The following CEP350 variants were observed in gnomAD, a reference collection of about 807,000 sequenced individuals.
CEP350 encodes centrosomal protein 350, also known as centrosome-associated protein 350.
Under a neutral mutation model 331.8 loss-of-function variants are expected in CEP350, and 126 were observed. The ratio of observed to expected loss-of-function variants is 0.38; its 90% confidence interval spans 0.33 to 0.44. The LOEUF (loss-of-function observed/expected upper bound fraction) is 0.44. Among genes scored for constraint, CEP350 ranks in the 20% least tolerant of loss-of-function variants. CEP350 has a pLI of 1.00. For missense variants in CEP350, 3,406 were observed against 3,634.6 expected (o/e 0.94, Z 1.62); for synonymous variants, 1,200 against 1,259.5 (o/e 0.95, Z 1.00).
chr1:179,997,230 C>T, intron 6 of CEP350, 55 bp downstream of exon 6: 1 of 1,536,178 alleles, frequency 6.5e-7, no homozygotes, highest in Non-Finnish European at 8.8e-7. Context: ...CTTCTTTCTC[C>T]CTAGGGTGTA....
intron 22 of CEP350, among the ~76,000 whole-genome samples, chr1:180,051,424 A>T (rs543527556): frequency 6.6e-6 from 1 of 152,190 alleles, no homozygotes; most frequent in African/African-American, 2.4e-5. Context: ...TTGGAAAACA[A>T]TTGGTTTTTA....
At chr1:180,102,568 TTCTAAG>T (rs1161165621) in intron 37 of CEP350, among the ~76,000 whole-genome samples, 1 of 152,256 alleles carries the variant, frequency 6.6e-6, no homozygotes, top group Non-Finnish European at 1.5e-5. Context: ...TTGGTTATTT[TTCTAAG>T]TCTTTTACAT....
chr1:180,075,721 G>A (rs973571548), intron 28 of CEP350, among the ~76,000 whole-genome samples: 3 of 152,008 alleles, frequency 2.0e-5, no homozygotes, highest in African/African-American at 4.8e-5. Flanking sequence ...TTGGGAGTCC[G>A]AGGCAGGTGG....
chr1:180,057,640 G>C (rs1347920209), intron 25 of CEP350, among the ~76,000 whole-genome samples: 1 of 151,342 alleles, frequency 6.6e-6, no homozygotes, highest in African/African-American at 2.4e-5. Flanking sequence ...TCTTCCCCCA[G>C]AGAGGATTTA....
At chr1:180,044,695 G>T (rs1657004659) in intron 21 of CEP350, among the ~76,000 whole-genome samples, 1 of 103,980 alleles carries the variant, frequency 9.6e-6, no homozygotes, top group African/African-American at 3.7e-5. Context: ...GGGGAGGGGG[G>T]AGGGATAGCA....
At chr1:180,039,781 T>A (rs1656633734) in intron 17 of CEP350, among the ~76,000 whole-genome samples, 1 of 150,278 alleles carries the variant, frequency 6.7e-6, no homozygotes, top group South Asian at 2.1e-4. Context: ...AGAATCAGTT[T>A]GTTAGTTTCA....
intron 30 of CEP350, among the ~76,000 whole-genome samples, chr1:180,082,785 A>G (rs1659655582): frequency 6.6e-6 from 1 of 152,194 alleles, no homozygotes; most frequent in Non-Finnish European, 1.5e-5. Context: ...TTAATTTAAA[A>G]TAGTTATTTT....
chr1:180,074,159 A>C (rs1659073254), intron 27 of CEP350, among the ~76,000 whole-genome samples: 1 of 152,098 alleles, frequency 6.6e-6, no homozygotes, highest in African/African-American at 2.4e-5. Context: ...TTTCTTGGTT[A>C]GCTACCACTA....
At chr1:179,957,073 TTAC>T (rs1650224465) in intron 1 of CEP350, among the ~76,000 whole-genome samples, 1 of 151,628 alleles carries the variant, frequency 6.6e-6, no homozygotes, top group South Asian at 2.1e-4. Context: ...GATGGATCAC[TTAC>T]TTCTTTATGT....
chr1:179,977,802 T>A (rs1033020058), intron 1 of CEP350, among the ~76,000 whole-genome samples: 8 of 151,998 alleles, frequency 5.3e-5, no homozygotes, highest in African/African-American at 1.2e-4. Context: ...TTTAATTTTT[T>A]AAAACTTTTT....
At position 180,062,243 on chromosome 1, in the gene CEP350, A is replaced by T. The variant is rs1220064940; in HGVS notation, c.5286A>T (p.Glu1762Asp). 1 of 1,609,822 alleles carries T rather than the reference A, an allele frequency of 6.2e-7. No individual in the cohort carries two copies. Among genetic ancestry groups the T allele is most frequent in the Non-Finnish European group, 8.5e-7 (1 of 1,177,852 alleles). The change falls in exon 26 of 38, where the codon GAA becomes GAT. Residue 1762 changes from glutamate (E) to aspartate (D), a missense_variant. Physicochemically the swap from Glu to Asp is conservative, Grantham distance 45. This residue lies in a region of CEP350 where 1,415 missense variants were observed against 1,512.3 expected (regional missense o/e 0.94). Transcript: ENST00000367607. ...QEKAEIKRLQ[E>D]ANKAARKERQ... ...AGGCAGAAATAAAACGTCTTCAAGAAGCCAATAAGGCAGCTCGGAAGGAAA... is the reference window on the plus strand; with the variant it reads ...AGGCAGAAATAAAACGTCTTCAAGATGCCAATAAGGCAGCTCGGAAGGAAA...
At chr1:179,987,124 A>G (rs1312967841) in intron 2 of CEP350, 116 bp from the exon 3 acceptor site, 1 of 601,800 alleles carries the variant, frequency 1.7e-6, no homozygotes, top group Non-Finnish European at 3.0e-6. Context: ...TGTTCTGCCT[A>G]ATAAGGTAGT....
chr1:180,093,875 C>T lies in CEP350; in HGVS notation c.7770C>T (p.Cys2590=). ...GTTACTCAGATGAACGATATCAGTG[C>T]TATAATCAAGAGCAAAATGATACAG... ...EDCYSDERYQ[C]YNQEQNDTEG... is the part of the protein sequence containing the mutation. Residue 2590 remains cysteine, a synonymous_variant, in exon 34 of 38, where the codon TGC becomes TGT. Coordinates refer to ENST00000367607, the MANE Select transcript of CEP350 (RefSeq NM_014810.5). 2 of 1,613,726 alleles carry T rather than the reference C, an allele frequency of 1.2e-6. No individual in the cohort carries two copies. Among genetic ancestry groups the T allele is most frequent in the Non-Finnish European group, 1.7e-6 (2 of 1,179,838 alleles).
chr1:179,978,921 C>T (rs1417546128), intron 1 of CEP350, among the ~76,000 whole-genome samples: 1 of 152,016 alleles, frequency 6.6e-6, no homozygotes, highest in African/African-American at 2.4e-5. Context: ...TAAAGTGAGT[C>T]TCTTATAGAC....
intron 21 of CEP350, among the ~76,000 whole-genome samples, chr1:180,046,782 G>T (rs1657151936): frequency 6.6e-6 from 1 of 152,060 alleles, no homozygotes; most frequent in Non-Finnish European, 1.5e-5. Flanking sequence ...ATGCATACTT[G>T]TATCACCAGA....
chr1:180,070,101 CAT>C (rs1658792853), intron 27 of CEP350, among the ~76,000 whole-genome samples: 2 of 152,152 alleles, frequency 1.3e-5, no homozygotes, highest in Non-Finnish European at 2.9e-5. Context: ...TATGTACACA[CAT>C]ATATACAACT....
At position 180,024,556 on chromosome 1, in the gene CEP350, A is replaced by T. The variant is rs751077469; in HGVS notation, c.3524A>T (p.Lys1175Met). 7 of 1,612,246 alleles carry T rather than the reference A, an allele frequency of 4.3e-6. No homozygotes were observed. The Admixed American group carries it at 1.2e-4, about 27-fold the overall frequency. The change falls in exon 14 of 38, where the codon AAG (lysine) becomes ATG (methionine). Residue 1175 changes from lysine to methionine, a missense_variant. Transcript: ENST00000367607. The part of the protein sequence containing the change: ...SSRSSTSSKG[K>M]KGKKEKTEWL... ...CGTTCATCTACTTCTTCTAAAGGAA[A>T]GAAAGGAAAAAAGGAAAAGACAGAA...
intron 31 of CEP350, chr1:180,085,961 G>T (rs1203034910): frequency 6.6e-6 from 1 of 152,144 alleles, no homozygotes; most frequent in African/African-American, 2.4e-5. Context: ...TATAGATAAG[G>T]AAACTGAGTT....
At chr1:180,009,765 C>A (rs1440798405) in intron 8 of CEP350, among the ~76,000 whole-genome samples, 1 of 152,126 alleles carries the variant, frequency 6.6e-6, no homozygotes, top group Non-Finnish European at 1.5e-5. Context: ...ATACGTAAAA[C>A]CCTTTAAATA....
Sources: allele counts gnomAD v4.1 joint callset (sites outside exome capture counted in the v4.1 genomes callset), GRCh38; gene constraint gnomAD v4.1.1; regional missense constraint gnomAD v4.1.1; transcripts MANE v1.5; gene names NCBI Gene and HGNC (gene_info 2026-07-23, HGNC 2026-07-21).